Variants in ITPR2 observed in about 807,000 individuals in gnomAD.
ITPR2 encodes inositol 1,4,5-trisphosphate-gated calcium channel ITPR2.
A neutral mutation model predicts 317.1 loss-of-function variants in ITPR2; 207 were observed. The observed-to-expected ratio is 0.65, with a 90% confidence interval of 0.58 to 0.73. The LOEUF is 0.73. ITPR2 is among the 30% of genes least tolerant of loss of function. The pLI is 0.00. For missense variants in ITPR2, 2,613 were observed against 3,284.0 expected (o/e 0.80, Z 4.99); for synonymous variants, 1,156 against 1,149.1 (o/e 1.01, Z -0.12).
At chr12:26,650,152 T>G (rs1326295037) in intron 21 of ITPR2, among the ~76,000 whole-genome samples, 2 of 152,174 alleles carry the variant, frequency 1.3e-5, no homozygotes, top group Non-Finnish European at 2.9e-5. Flanking sequence ...TAAATTTATG[T>G]GTCTTTGAGG....
chr12:26,640,226 TA>T (rs1382126225), intron 21 of ITPR2, among the ~76,000 whole-genome samples: 3 of 152,160 alleles, frequency 2.0e-5, no homozygotes, highest in African/African-American at 7.2e-5. Context: ...TCATTATTTG[TA>T]AAGTCATTCT....
intron 45 of ITPR2, among the ~76,000 whole-genome samples, chr12:26,445,043 T>C (rs1396727677): frequency 6.6e-6 from 1 of 152,154 alleles, no homozygotes; most frequent in African/African-American, 2.4e-5. Context: ...AAGCATAAAA[T>C]TACTGTAATC....
chr12:26,350,241 A>G (rs1257588173), intron 55 of ITPR2, among the ~76,000 whole-genome samples: 1 of 152,214 alleles, frequency 6.6e-6, no homozygotes, highest in Non-Finnish European at 1.5e-5. Flanking sequence ...CCAACATTTC[A>G]AAAAATGCTA....
chr12:26,456,776 G>A (rs1014617529), intron 45 of ITPR2, among the ~76,000 whole-genome samples: 6 of 152,090 alleles, frequency 3.9e-5, no homozygotes, highest in African/African-American at 9.7e-5. Context: ...GGGTTCAAGC[G>A]ATTCTCTTGC....
chr12:26,544,477 G>A (rs1284316688), intron 37 of ITPR2, among the ~76,000 whole-genome samples: 1 of 151,766 alleles, frequency 6.6e-6, no homozygotes, highest in African/African-American at 2.4e-5. Context: ...TCCCAGGGTT[G>A]AGAATTGCTT....
chr12:26,729,078 GTTGCAA>G lies in ITPR2; in HGVS notation c.164-3319_164-3314del, dbSNP rs542382010. Among the ~76,000 whole-genome samples the G allele has an allele frequency of 1.1e-3, 161 of 152,102 alleles. 1 individual carries two copies. The highest frequency in any genetic ancestry group is 2.1e-3 in the South Asian group (10 of 4,826). On this transcript the variant is annotated intron_variant, in intron 2 of 56. Coordinates refer to ENST00000381340, the MANE Select transcript of ITPR2 (RefSeq NM_002223.4). Reference sequence around the variant, plus strand: ...ATCCCAGTTGTCAATTTTTGCTTTTGTTGCAATTGCTTTTGGAACTTAAACAAATTT... The same window carrying G: ...ATCCCAGTTGTCAATTTTTGCTTTTGTTGCTTTTGGAACTTAAACAAATTT...
chr12:26,624,629 T>A (rs1452582908), intron 23 of ITPR2, among the ~76,000 whole-genome samples: 1 of 152,110 alleles, frequency 6.6e-6, no homozygotes, highest in Non-Finnish European at 1.5e-5. Flanking sequence ...CAATGAGATA[T>A]CATCTCACCC....
intron 5 of ITPR2, among the ~76,000 whole-genome samples, chr12:26,718,906 C>A (rs962190501): frequency 6.6e-6 from 1 of 152,120 alleles, no homozygotes; most frequent in African/African-American, 2.4e-5. Context: ...CTGTGCCCAG[C>A]CTAACATTGT....
At chr12:26,676,076 T>G (rs1592026565) in intron 13 of ITPR2, among the ~76,000 whole-genome samples, 3 of 152,262 alleles carry the variant, frequency 2.0e-5, no homozygotes, top group Admixed American at 2.0e-4. Context: ...GAGAATCGCT[T>G]GAACCCAGGA....
rs1945865042 is a variant in ITPR2 at position 26,597,084 on chromosome 12, T to C, written c.4053A>G (p.Ser1351=). ...ACATCATATGGAGAAGGATTGGAAA[T>C]GATGCTCTATCATTGTAAAATATCA... ...DVLIFYNDRA[S]FPILLHMMCS... The change falls in exon 31 of 57, where the codon TCA becomes TCG. Residue 1351 remains serine, a synonymous_variant. Coordinates refer to ENST00000381340, the MANE Select transcript of ITPR2 (RefSeq NM_002223.4). The C allele has an allele frequency of 1.9e-6, 3 of 1,613,940 alleles. No individual in the cohort carries two copies. The African/African-American group carries it at 4.0e-5, about 22-fold the overall frequency.
intron 2 of ITPR2, among the ~76,000 whole-genome samples, chr12:26,766,704 CAT>C (rs1439067786): frequency 2.6e-5 from 4 of 152,182 alleles, no homozygotes; most frequent in Non-Finnish European, 5.9e-5. Flanking sequence ...AACCCAAGGT[CAT>C]ACAGATTTAC....
rs781187611 is a variant in ITPR2, at chr12:26,436,205, A to G, written c.6769+16T>C. On this transcript the variant is annotated intron_variant, in intron 48 of 56. Transcript: ENST00000381340. ...ACTTTAAAATATTTATATTTTAAGG[A>G]AAAACGAGCACTTGCCTTCATCTCC... The G allele has an allele frequency of 3.2e-6, 5 of 1,549,520 alleles. No individual in the cohort carries two copies. In the African/African-American group the frequency reaches 5.6e-5, roughly 17 times the overall value.
intron 26 of ITPR2, among the ~76,000 whole-genome samples, chr12:26,612,214 T>TC (rs970092884): frequency 1.3e-5 from 2 of 151,536 alleles, no homozygotes; most frequent in Non-Finnish European, 2.9e-5. Context: ...AAACTTTTTT[T>TC]CCCCTCACGC....
At chr12:26,637,082 T>C (rs1464206880) in intron 21 of ITPR2, among the ~76,000 whole-genome samples, 1 of 152,212 alleles carries the variant, frequency 6.6e-6, no homozygotes, top group Admixed American at 6.5e-5. Context: ...GAAGTGATCT[T>C]ACCCAACCAG....
At chr12:26,472,708 C>G (rs996705988) in intron 45 of ITPR2, among the ~76,000 whole-genome samples, 1 of 152,084 alleles carries the variant, frequency 6.6e-6, no homozygotes, top group African/African-American at 2.4e-5. Context: ...AAATAATTGG[C>G]CTTTATGCCA....
intron 23 of ITPR2, among the ~76,000 whole-genome samples, chr12:26,626,113 C>T (rs1381678950): frequency 2.6e-5 from 4 of 152,124 alleles, no homozygotes; most frequent in African/African-American, 9.7e-5. Context: ...AGGCACGCGC[C>T]TCCACTACTG....
chr12:26,355,191 C>T (rs1357238168), intron 55 of ITPR2, among the ~76,000 whole-genome samples: 3 of 152,184 alleles, frequency 2.0e-5, no homozygotes, highest in African/African-American at 7.2e-5. Flanking sequence ...CATCACTACT[C>T]ATTGGATGAA....
intron 56 of ITPR2, 31 bp downstream of exon 56, chr12:26,340,136 C>A: frequency 6.4e-7 from 1 of 1,555,318 alleles, no homozygotes. Flanking sequence ...GACTTTATCC[C>A]ACCCAGCCCC....
At chr12:26,504,614 G>C (rs1027226189) in intron 37 of ITPR2, among the ~76,000 whole-genome samples, 5 of 152,168 alleles carry the variant, frequency 3.3e-5, no homozygotes, top group African/African-American at 1.2e-4. Flanking sequence ...GTGTTGAAGA[G>C]GACATGGATC....
Sources: gnomAD v4.1 joint callset for allele counts (sites outside exome capture counted in the v4.1 genomes callset) on GRCh38, gnomAD v4.1.1 for gene constraint, MANE v1.5 for transcripts, NCBI Gene and HGNC (gene_info 2026-07-23, HGNC 2026-07-21) for gene names.